ABAT: variants seen among roughly 807,000 people sequenced by gnomAD.
ABAT encodes 4-aminobutyrate aminotransferase, mitochondrial.
Under a neutral mutation model 64.6 loss-of-function variants are expected in ABAT, and 45 were observed. The observed-to-expected ratio is 0.70, with a 90% CI of 0.55 to 0.89. The LOEUF (loss-of-function observed/expected upper bound fraction) is 0.89. ABAT is among the 40% of genes least tolerant of loss of function. ABAT has a pLI of 0.00. For missense variants in ABAT, 633 were observed against 658.4 expected (o/e 0.96, Z 0.42); for synonymous variants, 297 against 250.5 (o/e 1.19, Z -1.75).
At chr16:8,746,564 A>G (rs1392851189) in intron 3 of ABAT, among the ~76,000 whole-genome samples, 2 of 151,256 alleles carry the variant, frequency 1.3e-5, no homozygotes, top group Non-Finnish European at 2.9e-5. Context: ...TATTTTGAGT[A>G]GAGACAGGGT....
chr16:8,756,393 AT>A (rs531804703), intron 5 of ABAT, among the ~76,000 whole-genome samples: 1 of 152,016 alleles, frequency 6.6e-6, no homozygotes, highest in South Asian at 2.1e-4. Flanking sequence ...TTTTATTTTA[AT>A]TTTTTTCTTT....
In ABAT at chr16:8,783,826, C is replaced by A. The variant is rs1012251613; in HGVS notation, c.*2396C>A. On this transcript the variant is annotated 3_prime_UTR_variant, in exon 16 of 16. Transcript: ENST00000268251. ...TATTTCGTTCTCTCCCCATGGGGCACTGACAGAGAAATGAAATAGTTTTAT... is the reference window on the plus strand; with the variant it reads ...TATTTCGTTCTCTCCCCATGGGGCAATGACAGAGAAATGAAATAGTTTTAT... 1 of 152,174 alleles carries A rather than the reference C, an allele frequency of 6.6e-6. No individual in the cohort carries two copies. Among genetic ancestry groups the A allele is most frequent in the South Asian group, 2.1e-4 (1 of 4,824 alleles). The allele number at this position is 152,174 out of a possible 1,614,324, so 9.4% of individuals were successfully genotyped here. A position where few individuals can be genotyped will look rare whatever the true frequency, so the allele number is the denominator to read the frequency against.
chr16:8,748,579 A>G lies in ABAT; in HGVS notation c.198+442A>G, dbSNP rs1466668072. Among the ~76,000 whole-genome samples, 4 of 152,092 alleles carry G rather than the reference A, an allele frequency of 2.6e-5. 1 individual carries two copies. The highest frequency in any genetic ancestry group is 9.7e-5 in the African/African-American group (4 of 41,428). On this transcript the variant is annotated intron_variant, in intron 4 of 15. Transcript: ENST00000268251. ...TTTTAGAATATTGTTCAAGTCTTCTATTTCCTTGCTAATCTTCTCCCTAGT... is the reference window on the plus strand; with the variant it reads ...TTTTAGAATATTGTTCAAGTCTTCTGTTTCCTTGCTAATCTTCTCCCTAGT...
intron 1 of ABAT, among the ~76,000 whole-genome samples, chr16:8,687,011 G>A (rs1003497598): frequency 1.3e-5 from 2 of 152,170 alleles, no homozygotes; most frequent in Non-Finnish European, 1.5e-5. Flanking sequence ...GGGTGGAGGT[G>A]AAGGCATGCT....
intron 11 of ABAT, 100 bp downstream of exon 11, chr16:8,769,073 G>A: frequency 6.5e-7 from 1 of 1,533,162 alleles, no homozygotes; most frequent in Non-Finnish European, 9.0e-7. Context: ...GGTTTATCTG[G>A]GGATCTGTGC....
intron 11 of ABAT, among the ~76,000 whole-genome samples, chr16:8,772,105 GC>G (rs1190337043): frequency 2.0e-5 from 3 of 152,104 alleles, no homozygotes; most frequent in African/African-American, 7.2e-5. Flanking sequence ...CTCCGATTCT[GC>G]CCCAAAAGGA....
intron 5 of ABAT, among the ~76,000 whole-genome samples, chr16:8,750,972 G>A (rs1225043480): frequency 7.8e-6 from 1 of 128,018 alleles, no homozygotes. Flanking sequence ...TTTTCCAGAC[G>A]AAGTCTTGTT....
intron 12 of ABAT, among the ~76,000 whole-genome samples, chr16:8,774,542 C>T (rs1596471452): frequency 6.6e-6 from 1 of 152,054 alleles, no homozygotes; most frequent in African/African-American, 2.4e-5. Context: ...ACATTCGAGG[C>T]CTCACTGTTG....
chr16:8,773,739 G>A (rs1273420), intron 12 of ABAT, among the ~76,000 whole-genome samples: 50,233 of 151,996 alleles, frequency 0.33, 9,879 homozygotes, highest in Non-Finnish European at 0.43. Flanking sequence ...TCTGATAGGC[G>A]TCATTCGACT....
At chr16:8,716,238 C>T (rs917159276) in intron 1 of ABAT, among the ~76,000 whole-genome samples, 1 of 152,188 alleles carries the variant, frequency 6.6e-6, no homozygotes, top group Admixed American at 6.5e-5. Context: ...AAAGATACTA[C>T]ATGGCTGTGT....
At chr16:8,733,136 C>G (rs923796831) in intron 1 of ABAT, among the ~76,000 whole-genome samples, 1 of 149,096 alleles carries the variant, frequency 6.7e-6, no homozygotes, top group African/African-American at 2.5e-5. Flanking sequence ...GACCCCCCCC[C>G]ACCTCCCTCC....
chr16:8,761,588 G>A (rs1220310354), intron 6 of ABAT, among the ~76,000 whole-genome samples: 1 of 152,204 alleles, frequency 6.6e-6, no homozygotes, highest in Admixed American at 6.5e-5. Context: ...TTCTGCAGAG[G>A]AACTGGGTTT....
At chr16:8,707,582 T>C (rs1324873532) in intron 1 of ABAT, among the ~76,000 whole-genome samples, 2 of 152,126 alleles carry the variant, frequency 1.3e-5, no homozygotes, top group East Asian at 3.8e-4. Flanking sequence ...ATTGTGGTTA[T>C]GTTCAAGAAG....
intron 1 of ABAT, among the ~76,000 whole-genome samples, chr16:8,685,211 G>A (rs2057425506): frequency 6.6e-6 from 1 of 152,014 alleles, no homozygotes; most frequent in Admixed American, 6.6e-5. Flanking sequence ...ACTTGAGCCT[G>A]GGAAGGGGAG....
In ABAT at chr16:8,779,536, G is replaced by A. The variant is rs750680169; in HGVS notation, c.1327G>A (p.Asp443Asn). Residue 443 changes from aspartate (D) to asparagine (N), a missense_variant, in exon 15 of 16, where the codon GAT (aspartate) becomes AAT (asparagine). Asp to Asn is a conservative substitution (Grantham distance 23). Coordinates refer to ENST00000268251, the MANE Select transcript of ABAT (RefSeq NM_020686.6). The stretch of plus-strand genomic sequence containing the variant: ...AGGACGAGGCACCTTTTGCTCCTTC[G>A]ATACTCCCGATGATTCCATACGGAA... ...VRGRGTFCSFDTPDDSIRNKL... is the reference protein window; with the variant it reads ...VRGRGTFCSFNTPDDSIRNKL... The A allele has an allele frequency of 7.4e-6, 12 of 1,614,020 alleles. No individual in the cohort carries two copies. Among genetic ancestry groups the A allele is most frequent in the East Asian group, 2.2e-5 (1 of 44,896 alleles).
chr16:8,780,176 G>A (rs747348948), intron 15 of ABAT, among the ~76,000 whole-genome samples: 8 of 152,068 alleles, frequency 5.3e-5, no homozygotes, highest in Non-Finnish European at 1.0e-4. Flanking sequence ...AGAAGGGGGC[G>A]TGAAGGCGAA....
chr16:8,706,297 C>A (rs946138132), intron 1 of ABAT, among the ~76,000 whole-genome samples: 1 of 150,548 alleles, frequency 6.6e-6, no homozygotes, highest in African/African-American at 2.4e-5. Context: ...GTAGTCCCAG[C>A]CGAGAGGCTG....
chr16:8,770,350 G>A (rs1305186095), intron 11 of ABAT, among the ~76,000 whole-genome samples: 1 of 152,188 alleles, frequency 6.6e-6, no homozygotes, highest in Non-Finnish European at 1.5e-5. Flanking sequence ...TGTTAGCCAG[G>A]ATGGTCTCGA....
In ABAT at chr16:8,781,550, T is replaced by A; in HGVS notation, c.*120T>A. ...AGGTGAATGCACAGTGAAGGGTGAT[T>A]TGTGGGGAGGGAGCATTTTTGGTGG... On this transcript the variant is annotated 3_prime_UTR_variant, in exon 16 of 16. Coordinates refer to ENST00000268251, the MANE Select transcript of ABAT (RefSeq NM_020686.6). The surrounding 1 kb of genome is among the most constrained non-coding windows in gnomAD (Gnocchi z 4.5). 2 of 1,443,762 alleles carry A rather than the reference T, an allele frequency of 1.4e-6. No individual in the cohort carries two copies. The highest frequency in any genetic ancestry group is 1.9e-6 in the Non-Finnish European group (2 of 1,046,426). The allele number at this position is 1,443,762 out of a possible 1,614,324, so 89.4% of individuals were successfully genotyped here.
Sources: gnomAD v4.1 joint callset for allele counts (sites outside exome capture counted in the v4.1 genomes callset) on GRCh38, gnomAD v4.1.1 for gene constraint, Gnocchi (gnomAD v3.1) non-coding constraint, MANE v1.5 for transcripts, NCBI Gene and HGNC (gene_info 2026-07-23, HGNC 2026-07-21) for gene names.